The following CLIP2 variants were observed in gnomAD, a reference collection of about 807,000 sequenced individuals.
CLIP2 encodes CAP-Gly domain-containing linker protein 2.
CLIP2 carries 41 observed loss-of-function variants against 111.7 expected under a neutral mutation model. The observed-to-expected ratio is 0.37, with a 90% CI of 0.29 to 0.48. CLIP2 has a LOEUF of 0.48. CLIP2 is among the 20% of genes least tolerant of loss of function. The probability of loss-of-function intolerance (pLI) is 0.99; values close to 1 mark genes in which losing one functional copy is unlikely to be tolerated. For synonymous variants in CLIP2, 660 were observed against 644.2 expected (o/e 1.02, Z -0.37); for missense variants, 1,160 against 1,422.1 (o/e 0.82, Z 2.96).
intron 2 of CLIP2, among the ~76,000 whole-genome samples, chr7:74,333,241 T>G (rs1789350342): frequency 6.6e-6 from 1 of 152,106 alleles, no homozygotes; most frequent in Non-Finnish European, 1.5e-5. Flanking sequence ...TGGAATGCAG[T>G]GATGCGATTT....
Position 74,338,467 on chromosome 7 carries a change from G to A in CLIP2, c.141G>A (p.Gln47=). 1 of 1,612,878 alleles carries A rather than the reference G, an allele frequency of 6.2e-7. No individual in the cohort carries two copies. The highest frequency in any genetic ancestry group is 8.5e-7 in the Non-Finnish European group (1 of 1,179,806). The change falls in exon 3 of 17, where the codon CAG becomes CAA. Residue 47 remains glutamine, a synonymous_variant. Transcript: ENST00000223398. The surrounding 1 kb of genome is among the most constrained non-coding windows in gnomAD (Gnocchi z 4.3). ...CTGCAGGCTCCCCACTGCACAAACA[G>A]TCATCTGGACCCTCCTCCTCCCCGG... ...SSKEGSPLHK[Q]SSGPSSSPAA... is the part of the protein sequence containing the mutation.
intron 6 of CLIP2, among the ~76,000 whole-genome samples, chr7:74,358,487 A>AC (rs1554309017): frequency 6.6e-6 from 1 of 151,690 alleles, no homozygotes; most frequent in Non-Finnish European, 1.5e-5. Flanking sequence ...GAGCCACTGC[A>AC]CTTGGCCTAA....
chr7:74,344,679 A>C (rs1789754010), intron 3 of CLIP2, among the ~76,000 whole-genome samples: 1 of 152,136 alleles, frequency 6.6e-6, no homozygotes, highest in Admixed American at 6.6e-5. Context: ...CTGGGATTAC[A>C]GGCATGAGCC....
At chr7:74,358,622 C>T (rs565177735) in intron 6 of CLIP2, among the ~76,000 whole-genome samples, 1 of 151,656 alleles carries the variant, frequency 6.6e-6, no homozygotes, top group East Asian at 1.9e-4. Flanking sequence ...TGCTTTGTTG[C>T]CCAGGTTGGA....
intron 3 of CLIP2, among the ~76,000 whole-genome samples, chr7:74,350,788 A>G (rs1017503402): frequency 1.3e-5 from 2 of 151,326 alleles, no homozygotes; most frequent in Middle Eastern, 3.2e-3. Flanking sequence ...GATCACTTGA[A>G]CTCAGGAGTT....
intron 3 of CLIP2, among the ~76,000 whole-genome samples, chr7:74,351,814 C>T (rs974804531): frequency 9.9e-5 from 15 of 151,962 alleles, no homozygotes; most frequent in Non-Finnish European, 1.5e-4. Flanking sequence ...CCAGCCTGGG[C>T]GACAGAGTGA....
intron 6 of CLIP2, among the ~76,000 whole-genome samples, chr7:74,358,879 A>G (rs182673766): frequency 2.4e-4 from 36 of 152,090 alleles, no homozygotes; most frequent in African/African-American, 8.7e-4. Context: ...CCTCTTCCCC[A>G]TCTTGATGTC....
At chr7:74,351,426 CAAA>C (rs55952428) in intron 3 of CLIP2, among the ~76,000 whole-genome samples, 8 of 65,920 alleles carry the variant, frequency 1.2e-4, no homozygotes, top group Admixed American at 3.5e-4. Flanking sequence ...ATTCCAGTGT[CAAA>C]AAAAAAAAAA....
chr7:74,339,057 T>G (rs2116561887), intron 3 of CLIP2, 53 bp downstream of exon 3: 1 of 1,525,596 alleles, frequency 6.6e-7, no homozygotes, highest in South Asian at 1.2e-5. Flanking sequence ...CCTCCCCTGC[T>G]CCGCCCCACT....
In CLIP2 at chr7:74,356,587, C is replaced by T; in HGVS notation, c.981C>T (p.Ala327=). Residue 327 remains alanine (A), a synonymous_variant, in exon 5 of 17, where the codon GCC becomes GCT. Coordinates refer to ENST00000223398, the MANE Select transcript of CLIP2 (RefSeq NM_003388.5). ...SSSISSVSSV[A]SSVGGRPSRS... ...CCATCAGCTCCGTCAGCTCTGTGGCCTCCTCCGTGGGGGGTCGGCCCAGCC... is the reference window on the plus strand; with the variant it reads ...CCATCAGCTCCGTCAGCTCTGTGGCTTCCTCCGTGGGGGGTCGGCCCAGCC... 2 of 1,614,132 alleles carry T rather than the reference C, an allele frequency of 1.2e-6. No homozygotes were observed. The highest frequency in any genetic ancestry group is 1.7e-5 in the Admixed American group (1 of 60,004).
chr7:74,351,767 C>T (rs1020334082), intron 3 of CLIP2, among the ~76,000 whole-genome samples: 2 of 152,110 alleles, frequency 1.3e-5, no homozygotes, highest in East Asian at 3.8e-4. Flanking sequence ...ACCTGGGAGG[C>T]GGAGGTTTCA....
At chr7:74,322,462 G>A (rs963661994) in intron 2 of CLIP2, among the ~76,000 whole-genome samples, 3 of 151,850 alleles carry the variant, frequency 2.0e-5, no homozygotes, top group Admixed American at 1.3e-4. Context: ...AAAAAAATTA[G>A]CCTGGCATGG....
intron 13 of CLIP2, among the ~76,000 whole-genome samples, chr7:74,390,174 AAAGAAAG>A (rs1791247831): frequency 2.3e-5 from 1 of 44,396 alleles, no homozygotes; most frequent in African/African-American, 6.2e-5. Context: ...AGAAAGAAAG[AAAGAAAG>A]AAAGAAAGAA....
At chr7:74,387,336 C>T (rs950108006) in intron 12 of CLIP2, among the ~76,000 whole-genome samples, 7 of 152,184 alleles carry the variant, frequency 4.6e-5, no homozygotes, top group Non-Finnish European at 8.8e-5. Flanking sequence ...GAAACCTCCA[C>T]TTCCCGGGTT....
chr7:74,404,122 T>C lies in CLIP2; in HGVS notation c.*274T>C. ...CCTGGACACCCGGCAGCTTCTGGAGTTTGTCAGTGGAGGCAGAGGGGATCC... is the reference window on the plus strand; with the variant it reads ...CCTGGACACCCGGCAGCTTCTGGAGCTTGTCAGTGGAGGCAGAGGGGATCC... On this transcript the variant is annotated 3_prime_UTR_variant, in exon 17 of 17. Transcript: ENST00000223398. The C allele has an allele frequency of 2.1e-6, 1 of 475,094 alleles. No individual in the cohort carries two copies. Among genetic ancestry groups the C allele is most frequent in the Non-Finnish European group, 3.9e-6 (1 of 257,174 alleles). The allele number at this position is 475,094 out of a possible 1,614,324, so 29.4% of individuals were successfully genotyped here.
At chr7:74,399,847 C>T in intron 14 of CLIP2, among the ~76,000 whole-genome samples, 1 of 150,598 alleles carries the variant, frequency 6.6e-6, no homozygotes, top group South Asian at 2.2e-4. Context: ...GTCTCTGTCT[C>T]TTTTTTTAAT....
intron 9 of CLIP2, 55 bp downstream of exon 9, chr7:74,373,091 C>G: frequency 9.7e-7 from 1 of 1,033,742 alleles, no homozygotes; most frequent in Non-Finnish European, 1.5e-6. Flanking sequence ...CTTTGATGCC[C>G]CCTCTGGCTT....
intron 2 of CLIP2, among the ~76,000 whole-genome samples, chr7:74,335,038 AG>A (rs1789409557): frequency 6.6e-6 from 1 of 152,002 alleles, no homozygotes; most frequent in African/African-American, 2.4e-5. Flanking sequence ...AAGCCAGACT[AG>A]CTGGGTGTCC....
intron 8 of CLIP2, among the ~76,000 whole-genome samples, chr7:74,365,064 A>C (rs1204973237): frequency 6.7e-6 from 1 of 148,930 alleles, no homozygotes; most frequent in Non-Finnish European, 1.5e-5. Flanking sequence ...TGTCTCAAAA[A>C]AAAGAATGGA....
Sources: allele counts gnomAD v4.1 joint callset (sites outside exome capture counted in the v4.1 genomes callset), GRCh38; gene constraint gnomAD v4.1.1; non-coding constraint Gnocchi (gnomAD v3.1); transcripts MANE v1.5; gene names NCBI Gene and HGNC (gene_info 2026-07-23, HGNC 2026-07-21).